The following PLEKHA5 variants were observed in gnomAD, a reference collection of about 807,000 sequenced individuals.
The protein encoded by PLEKHA5 is pleckstrin homology domain containing A5, also known as pleckstrin homology domain-containing family A member 5.
In PLEKHA5, 55 loss-of-function variants were observed where a neutral mutation model predicts 181.9. The ratio of observed to expected loss-of-function variants is 0.30; its 90% CI spans 0.24 to 0.38. The LOEUF (loss-of-function observed/expected upper bound fraction) is 0.38, where lower values mean the gene tolerates loss of function less well. PLEKHA5 is among the 10% of genes least tolerant of loss of function. The pLI is 1.00. For synonymous variants in PLEKHA5, 535 were observed against 529.4 expected, an observed-to-expected ratio of 1.01 and a Z score of -0.15; for missense variants, 1,432 against 1,549.5, an observed-to-expected ratio of 0.92 and a Z score of 1.27.
chr12:19,207,995 T>G (rs2152124988), intron 3 of PLEKHA5, among the ~76,000 whole-genome samples: 1 of 152,302 alleles, frequency 6.6e-6, no homozygotes, highest in East Asian at 1.9e-4. Flanking sequence ...AATAAAATAG[T>G]AACCAAGTAA....
intron 3 of PLEKHA5, among the ~76,000 whole-genome samples, chr12:19,168,695 G>A (rs1324556928): frequency 6.6e-6 from 1 of 152,054 alleles, no homozygotes; most frequent in Non-Finnish European, 1.5e-5. Flanking sequence ...AATAATAACA[G>A]CAATAAGAAA....
chr12:19,184,889 C>T (rs929220445), intron 3 of PLEKHA5, among the ~76,000 whole-genome samples: 3 of 152,150 alleles, frequency 2.0e-5, no homozygotes, highest in African/African-American at 7.2e-5. Context: ...TCCGCTAATG[C>T]AGGTCCTGGA....
chr12:19,141,955 A>G lies in PLEKHA5; in HGVS notation c.227+9505A>G, dbSNP rs537614398. Among the ~76,000 whole-genome samples the G allele has an allele frequency of 4.6e-5, 7 of 152,292 alleles. No homozygotes were observed. The South Asian group carries it at 6.2e-4, about 14-fold the overall frequency. On this transcript the variant is annotated intron_variant, in intron 3 of 31. Coordinates refer to ENST00000429027, the MANE Select transcript of PLEKHA5 (RefSeq NM_001256470.2). ...TGGTTTTTGTTCCCTATCCCTTCCA[A>G]ATAACTTGGATTATTTACATATATT...
Position 19,130,691 on chromosome 12 carries a change from G to A in PLEKHA5, c.169+561G>A, listed in dbSNP as rs1462674053. 6.5e-6 allele frequency: 1 copy of A among 152,710 alleles called. No individual in the cohort carries two copies. Among genetic ancestry groups the A allele is most frequent in the East Asian group, 1.9e-4 (1 of 5,178 alleles). 9.5% of individuals were successfully genotyped at this position (152,710 alleles called of 1,614,324 possible). On this transcript the variant is annotated intron_variant, in intron 2 of 31. Transcript: ENST00000429027. This position sits in a 1 kb window ranked among gnomAD's most constrained non-coding sequence, Gnocchi z 4.5. ...TGGGTAGGTGGCTGATGAAGGAGGAGGAGGAGGAGGAGAGGAGTTCGGGGG... is the reference window on the plus strand; with the variant it reads ...TGGGTAGGTGGCTGATGAAGGAGGAAGAGGAGGAGGAGAGGAGTTCGGGGG...
At position 19,189,483 on chromosome 12, in the gene PLEKHA5, T is replaced by C. The variant is rs536547460; in HGVS notation, c.227+57033T>C. ...TGATTCATGCAGCTGAGTGGAGAGT[T>C]CATGCTTAGAAATGGGAAAAAATAT... is the stretch of plus-strand genomic sequence containing the variant. On this transcript the variant is annotated intron_variant, in intron 3 of 31. Coordinates refer to ENST00000429027, the MANE Select transcript of PLEKHA5 (RefSeq NM_001256470.2). Among the ~76,000 whole-genome samples the C allele has an allele frequency of 2.6e-5, 4 of 152,168 alleles. No homozygotes were observed. In the South Asian group the frequency reaches 8.3e-4, roughly 32 times the overall value.
At chr12:19,367,252 C>G (rs1272383352) in intron 30 of PLEKHA5, among the ~76,000 whole-genome samples, 2 of 122,980 alleles carry the variant, frequency 1.6e-5, no homozygotes, top group Non-Finnish European at 3.2e-5. Flanking sequence ...TATCGCTTTG[C>G]TTCTTCTTTT....
chr12:19,218,357 C>G (rs1223518066), intron 3 of PLEKHA5, among the ~76,000 whole-genome samples: 2 of 152,126 alleles, frequency 1.3e-5, no homozygotes, highest in Non-Finnish European at 2.9e-5. Context: ...AGCTCTTAAC[C>G]TTCCCTGTAA....
At chr12:19,350,173 AAAG>A (rs1485881342) in intron 25 of PLEKHA5, among the ~76,000 whole-genome samples, 5 of 152,230 alleles carry the variant, frequency 3.3e-5, no homozygotes, top group Non-Finnish European at 5.9e-5. Context: ...CCATGGTTTA[AAAG>A]AAGAATCTCT....
chr12:19,260,870 A>AAAAT (rs1030141404), intron 6 of PLEKHA5, 79 bp from the exon 7 acceptor site: 26 of 896,238 alleles, frequency 2.9e-5, no homozygotes, highest in South Asian at 1.9e-4. Context: ...CAAAAAAATA[A>AAAAT]AAATAAATAA....
chr12:19,328,020 G>A (rs957372239), intron 20 of PLEKHA5, among the ~76,000 whole-genome samples: 4 of 152,198 alleles, frequency 2.6e-5, no homozygotes, highest in Admixed American at 6.5e-5. Context: ...TATGGTGAAA[G>A]TAACGGGTCA....
chr12:19,336,656 T>G (rs1474801148), intron 21 of PLEKHA5, 40 bp downstream of exon 21: 2 of 1,123,780 alleles, frequency 1.8e-6, no homozygotes, highest in Non-Finnish European at 2.7e-6. Context: ...TTTAACTGTT[T>G]TTACTGGTAC....
intron 31 of PLEKHA5, chr12:19,371,216 A>G (rs1050280085): frequency 6.6e-6 from 1 of 152,472 alleles, no homozygotes; most frequent in Non-Finnish European, 1.5e-5. Context: ...CATGTTGCCC[A>G]GGCTGATCTC....
intron 15 of PLEKHA5, among the ~76,000 whole-genome samples, chr12:19,305,122 G>A (rs755168618): frequency 1.3e-4 from 20 of 152,164 alleles, no homozygotes; most frequent in Non-Finnish European, 2.6e-4. Flanking sequence ...GACCAGACTA[G>A]GCCTTCTGAA....
chr12:19,253,064 C>CTT (rs35536570), intron 3 of PLEKHA5, among the ~76,000 whole-genome samples: 757 of 45,862 alleles, frequency 0.017, 210 homozygotes, highest in South Asian at 0.03. Context: ...ATCAACTTAC[C>CTT]TTTTTTTTTT....
chr12:19,153,929 A>G (rs2041067512), intron 3 of PLEKHA5: 1 of 152,178 alleles, frequency 6.6e-6, no homozygotes, highest in Admixed American at 6.5e-5. Context: ...AAGAGTTTGT[A>G]TGAGGTTAGA....
chr12:19,287,424 G>GAA (rs200910877), intron 12 of PLEKHA5, 49 bp from the exon 13 acceptor site: 84 of 1,000,420 alleles, frequency 8.4e-5, no homozygotes, highest in Admixed American at 1.1e-4. Flanking sequence ...ACATTGATAA[G>GAA]AAAAAAAAAA....
intron 3 of PLEKHA5, among the ~76,000 whole-genome samples, chr12:19,140,681 C>T (rs570829182): frequency 6.6e-6 from 1 of 152,320 alleles, no homozygotes; most frequent in African/African-American, 2.4e-5. Flanking sequence ...GCCTCTTTAC[C>T]TAAATCTGAA....
At chr12:19,323,092 G>A (rs2091302350) in intron 20 of PLEKHA5, among the ~76,000 whole-genome samples, 1 of 145,438 alleles carries the variant, frequency 6.9e-6, no homozygotes. Context: ...CAAACTCCTG[G>A]TCTCAAGTGA....
intron 3 of PLEKHA5, among the ~76,000 whole-genome samples, chr12:19,234,088 AAT>A (rs1305345892): frequency 7.2e-5 from 11 of 152,344 alleles, no homozygotes; most frequent in African/African-American, 2.6e-4. Flanking sequence ...TCCTTAAATG[AAT>A]AGTTTCTCTT....
Sources: gnomAD v4.1 joint callset for allele counts (sites outside exome capture counted in the v4.1 genomes callset) on GRCh38, gnomAD v4.1.1 for gene constraint, Gnocchi (gnomAD v3.1) non-coding constraint, MANE v1.5 for transcripts, NCBI Gene and HGNC (gene_info 2026-07-23, HGNC 2026-07-21) for gene names.